Variants in NTM observed in about 807,000 individuals in gnomAD.
NTM encodes the protein IgLON family member 2.
Under a neutral mutation model 42.1 loss-of-function variants are expected in NTM, and 13 were observed. That is an observed-to-expected ratio of 0.31 (90% confidence interval 0.20 to 0.49). NTM has a LOEUF of 0.49. Among genes scored for constraint, NTM ranks in the 20% least tolerant of loss-of-function variants. NTM has a pLI of 0.99. For missense variants in NTM, 373 were observed against 452.8 expected (o/e 0.82, Z 1.60); for synonymous variants, 187 against 179.2 (o/e 1.04, Z -0.35).
intron 1 of NTM, among the ~76,000 whole-genome samples, chr11:131,767,440 G>A (rs1420108340): frequency 1.3e-5 from 2 of 152,088 alleles, no homozygotes; most frequent in Non-Finnish European, 1.5e-5. Context: ...ACATATTTGT[G>A]TCTCCCCCAA....
At chr11:131,884,270 A>G (rs1199976908) in intron 1 of NTM, among the ~76,000 whole-genome samples, 1 of 152,082 alleles carries the variant, frequency 6.6e-6, no homozygotes, top group Non-Finnish European at 1.5e-5. Context: ...TTAGCCGGAC[A>G]TGGTGGTGCA....
chr11:132,047,903 C>A lies in NTM; in HGVS notation c.168-98379C>A, dbSNP rs932225816. Among the ~76,000 whole-genome samples, 5 of 152,290 alleles carry A rather than the reference C, an allele frequency of 3.3e-5. No homozygotes were observed. The East Asian group carries it at 5.8e-4, about 18-fold the overall frequency. On this transcript the variant is annotated intron_variant, in intron 2 of 8. Transcript: ENST00000683400. ...TGAGGTCAAAGTTGGGTGGACGACC[C>A]GCTTGACATCTCAGTGTGGAGCTGG...
intron 2 of NTM, among the ~76,000 whole-genome samples, chr11:131,948,620 G>C (rs564493995): frequency 3.3e-4 from 50 of 152,212 alleles, no homozygotes; most frequent in South Asian, 2.9e-3. Context: ...CAGGGCTTTT[G>C]TACTTGCTGT....
intron 1 of NTM, among the ~76,000 whole-genome samples, chr11:131,826,211 T>A (rs563354734): frequency 6.6e-6 from 1 of 152,202 alleles, no homozygotes; most frequent in South Asian, 2.1e-4. Context: ...AGATTGCTGA[T>A]GGTTGAGGCA....
chr11:132,314,771 G>A (rs1026428744), intron 7 of NTM, 68 bp downstream of exon 7: 7 of 1,498,780 alleles, frequency 4.7e-6, no homozygotes, highest in South Asian at 4.2e-5. Flanking sequence ...TGGGTGGGAG[G>A]GCCCCTCAAG....
chr11:131,935,548 T>A (rs1201885324), intron 2 of NTM, among the ~76,000 whole-genome samples: 1 of 151,894 alleles, frequency 6.6e-6, no homozygotes, highest in Non-Finnish European at 1.5e-5. Context: ...TGTGCACGCA[T>A]GTGTGCTGAC....
Position 132,335,214 on chromosome 11 carries a change from A to G in NTM, c.*68A>G. Reference sequence around the variant, plus strand: ...CCACCACCAACACAACAGCAATGGCAACACCGACAGCAACCAATCAGATAT... The same window carrying G: ...CCACCACCAACACAACAGCAATGGCGACACCGACAGCAACCAATCAGATAT... On this transcript the variant is annotated 3_prime_UTR_variant, in exon 9 of 9. Coordinates refer to ENST00000683400, the MANE Select transcript of NTM (RefSeq NM_001352005.2). The G allele has an allele frequency of 6.5e-7, 1 of 1,548,916 alleles. No homozygotes were observed.
At chr11:131,482,171 A>C (rs1953674720) in intron 1 of NTM, among the ~76,000 whole-genome samples, 1 of 152,162 alleles carries the variant, frequency 6.6e-6, no homozygotes, top group Non-Finnish European at 1.5e-5. Context: ...CATTAGAGCT[A>C]CCTTTTATAT....
chr11:131,657,728 C>T (rs772426452), intron 1 of NTM, among the ~76,000 whole-genome samples: 8 of 152,222 alleles, frequency 5.3e-5, no homozygotes, highest in Non-Finnish European at 8.8e-5. Context: ...TATAGACCCA[C>T]AATCTTTTAT....
chr11:131,563,519 G>A (rs1292469084), intron 1 of NTM, among the ~76,000 whole-genome samples: 2 of 151,356 alleles, frequency 1.3e-5, no homozygotes, highest in African/African-American at 4.9e-5. Flanking sequence ...TAGCCTGGGC[G>A]GGCCAGGGCC....
intron 1 of NTM, among the ~76,000 whole-genome samples, chr11:131,880,433 T>A (rs1436603252): frequency 6.6e-6 from 1 of 152,178 alleles, no homozygotes; most frequent in African/African-American, 2.4e-5. Flanking sequence ...GGAAGGGAAT[T>A]GTTCATTTGC....
intron 4 of NTM, among the ~76,000 whole-genome samples, chr11:132,233,513 T>C (rs2088085705): frequency 6.6e-6 from 1 of 152,262 alleles, no homozygotes; most frequent in African/African-American, 2.4e-5. Flanking sequence ...ATGAATTTCA[T>C]ATTTTTAAGT....
intron 2 of NTM, among the ~76,000 whole-genome samples, chr11:131,951,278 C>G (rs1279997024): frequency 6.6e-6 from 1 of 152,132 alleles, no homozygotes; most frequent in Non-Finnish European, 1.5e-5. Context: ...AGACAATGGC[C>G]TTGAGCCTTC....
intron 3 of NTM, among the ~76,000 whole-genome samples, chr11:132,205,156 G>A (rs2081785296): frequency 6.6e-6 from 1 of 152,174 alleles, no homozygotes; most frequent in Non-Finnish European, 1.5e-5. Context: ...TCAAGATAGA[G>A]GAGAGGCAGG....
chr11:132,199,626 T>A (rs771466915), intron 3 of NTM, among the ~76,000 whole-genome samples: 3 of 152,166 alleles, frequency 2.0e-5, no homozygotes, highest in Non-Finnish European at 4.4e-5. Flanking sequence ...TGTGTCAAGA[T>A]TCACTGACAT....
intron 8 of NTM, among the ~76,000 whole-genome samples, chr11:132,331,684 C>A (rs2095802768): frequency 6.6e-6 from 1 of 152,018 alleles, no homozygotes; most frequent in Non-Finnish European, 1.5e-5. Flanking sequence ...ATAAGTTAGG[C>A]AAAGAGAATT....
intron 4 of NTM, among the ~76,000 whole-genome samples, chr11:132,262,758 A>T (rs1268612736): frequency 6.6e-6 from 1 of 152,062 alleles, no homozygotes; most frequent in Non-Finnish European, 1.5e-5. Flanking sequence ...ATTCCTCCCA[A>T]ATGTATGTCC....
intron 4 of NTM, among the ~76,000 whole-genome samples, chr11:132,299,254 C>T (rs1264170089): frequency 6.6e-6 from 1 of 152,110 alleles, no homozygotes; most frequent in Non-Finnish European, 1.5e-5. Flanking sequence ...GAGATTGCGC[C>T]ACTGCACTCC....
intron 3 of NTM, among the ~76,000 whole-genome samples, chr11:132,199,542 G>C (rs1196292566): frequency 6.6e-6 from 1 of 152,122 alleles, no homozygotes; most frequent in African/African-American, 2.4e-5. Context: ...AAGTGGTCAG[G>C]TGACCTCTTC....
Sources: gnomAD v4.1 joint callset for allele counts (sites outside exome capture counted in the v4.1 genomes callset) on GRCh38, gnomAD v4.1.1 for gene constraint, MANE v1.5 for transcripts, NCBI Gene and HGNC (gene_info 2026-07-23, HGNC 2026-07-21) for gene names.